CCDC77: variants seen among roughly 807,000 people sequenced by gnomAD.
The protein encoded by CCDC77 is coiled-coil domain-containing protein 77.
In CCDC77, 56 loss-of-function variants were observed where a neutral mutation model predicts 66.8. The ratio of observed to expected loss-of-function variants is 0.84; its 90% CI spans 0.68 to 1.05. The LOEUF (loss-of-function observed/expected upper bound fraction) is 1.05. Among genes scored for constraint, CCDC77 ranks in the 50% least tolerant of loss-of-function variants. CCDC77 has a pLI of 0.00. For missense variants in CCDC77, 570 were observed against 576.8 expected (o/e 0.99, Z 0.12); for synonymous variants, 196 against 195.2 (o/e 1.00, Z -0.03).
At chr12:412,045 G>A in intron 4 of CCDC77, 67 bp downstream of exon 4, 3 of 1,160,886 alleles carry the variant, frequency 2.6e-6, no homozygotes, top group South Asian at 2.8e-5. Flanking sequence ...TGCCCTACAA[G>A]TGCCAGTTTA....
chr12:416,334 GGTGTGTGGGGGTGTGTGTGTGTGTGT>G (rs1211525646), intron 4 of CCDC77, among the ~76,000 whole-genome samples: 2,494 of 50,792 alleles, frequency 0.049, 471 homozygotes, highest in East Asian at 0.44. Flanking sequence ...TGAGTCTGTG[GGTGTGTGGGGGTGTGTGTGTGTGTGT>G]GTGTGTGTGT....
At chr12:414,150 G>A (rs1355168357) in intron 4 of CCDC77, among the ~76,000 whole-genome samples, 3 of 148,866 alleles carry the variant, frequency 2.0e-5, no homozygotes, top group Non-Finnish European at 4.4e-5. Context: ...GGAGTGCAAT[G>A]GCACAATCTC....
chr12:428,793 T>G lies in CCDC77; in HGVS notation c.438T>G (p.Ile146Met). ...GGGAGCTAGAAGACAAGAAAAAGATTCAGAATCTCTTGGCTCTTGTGGGAA... is the reference window on the plus strand; with the variant it reads ...GGGAGCTAGAAGACAAGAAAAAGATGCAGAATCTCTTGGCTCTTGTGGGAA... ...RIRELEDKKKIQNLLALVGTD... is the reference protein window; with the variant it reads ...RIRELEDKKKMQNLLALVGTD... The change falls in exon 6 of 13, where the codon ATT (isoleucine) becomes ATG (methionine). Residue 146 changes from isoleucine (I) to methionine (M), a missense_variant. Ile to Met is a conservative substitution (Grantham distance 10, BLOSUM62 1). Transcript: ENST00000239830. 1 of 1,612,014 alleles carries G rather than the reference T, an allele frequency of 6.2e-7. No homozygotes were observed. The highest frequency in any genetic ancestry group is 8.5e-7 in the Non-Finnish European group (1 of 1,179,112).
Position 441,869 on chromosome 12 carries a change from G to A in CCDC77, c.1416G>A (p.Lys472=). 6.2e-7 allele frequency: 1 copy of A among 1,613,342 alleles called. No individual in the cohort carries two copies. Among genetic ancestry groups the A allele is most frequent in the South Asian group, 1.1e-5 (1 of 91,046 alleles). The change falls in exon 13 of 13, where the codon AAG becomes AAA. Residue 472 remains lysine (K), a synonymous_variant. Transcript: ENST00000239830. ...RRAHKIQGEL[K]NLKSKVFGLE... ...CACATAAGATACAAGGAGAACTGAA[G>A]AATCTTAAGTCGAAAGTGTTTGGTC...
At chr12:422,195 AT>A (rs1247652711) in intron 5 of CCDC77, among the ~76,000 whole-genome samples, 41 of 109,394 alleles carry the variant, frequency 3.7e-4, no homozygotes, top group African/African-American at 6.5e-4. Flanking sequence ...GAGAGGGTAA[AT>A]ACACACATAG....
At chr12:441,347 A>ACAAGT (rs1401980736) in intron 12 of CCDC77, among the ~76,000 whole-genome samples, 3 of 152,242 alleles carry the variant, frequency 2.0e-5, no homozygotes, top group African/African-American at 7.2e-5. Flanking sequence ...TCTTTAGAAT[A>ACAAGT]CAAGTCGCCT....
At chr12:422,684 C>G (rs1381021706) in intron 5 of CCDC77, among the ~76,000 whole-genome samples, 1 of 152,238 alleles carries the variant, frequency 6.6e-6, no homozygotes, top group African/African-American at 2.4e-5. Flanking sequence ...GAGCTCAGCT[C>G]ACTGTAACCT....
chr12:389,534 A>C lies in CCDC77; in HGVS notation c.-113+48A>C, dbSNP rs529765010. The C allele has an allele frequency of 7.1e-4, 47 of 65,926 alleles. 1 individual carries two copies. Among genetic ancestry groups the C allele is most frequent in the South Asian group, 6.3e-3 (47 of 7,424 alleles). The allele number at this position is 65,926 out of a possible 1,614,324, so 4.1% of individuals were successfully genotyped here. On this transcript the variant is annotated intron_variant, in intron 1 of 11. Transcript: ENST00000422000. ...AAGCTCTTCTTTACTAGAGGTACGG[A>C]TTGAGGGAAGCCGACGGGGCGAGGC... is the stretch of plus-strand genomic sequence containing the variant.
intron 9 of CCDC77, among the ~76,000 whole-genome samples, chr12:435,290 A>G (rs1231931811): frequency 7.0e-6 from 1 of 143,500 alleles, no homozygotes; most frequent in African/African-American, 2.6e-5. Flanking sequence ...TCTGTGTTTC[A>G]TCTAGTTTCA....
chr12:438,651 C>T, intron 10 of CCDC77, 97 bp downstream of exon 10: 3 of 886,680 alleles, frequency 3.4e-6, no homozygotes, highest in Non-Finnish European at 5.2e-6. Flanking sequence ...TCCATTCAGT[C>T]CAGGAAGCTC....
At chr12:406,338 G>A (rs1944990284) in intron 2 of CCDC77, among the ~76,000 whole-genome samples, 1 of 152,206 alleles carries the variant, frequency 6.6e-6, no homozygotes, top group South Asian at 2.1e-4. Context: ...AAGCCACATA[G>A]ATAAATGGGG....
Position 431,912 on chromosome 12 carries a change from T to C in CCDC77, c.630T>C (p.Ser210=). 1 of 1,611,470 alleles carries C rather than the reference T, an allele frequency of 6.2e-7. No homozygotes were observed. The change falls in exon 8 of 13, where the codon AGT becomes AGC. Residue 210 remains serine (S), a synonymous_variant. Transcript: ENST00000239830. The part of the protein sequence containing the change: ...KRRPSRERKE[S]SEHYQRDIQT... ...GACCATCGAGAGAGAGAAAAGAAAG[T>C]TCTGAGCATTACCAAAGAGACATAC...
chr12:423,824 G>A (rs144098543), intron 5 of CCDC77, among the ~76,000 whole-genome samples: 3 of 152,124 alleles, frequency 2.0e-5, no homozygotes, highest in Non-Finnish European at 2.9e-5. Context: ...GATAGTAACC[G>A]TCTTAATGGG....
In CCDC77 at chr12:440,947, T is replaced by A; in HGVS notation, c.1271T>A (p.Ile424Asn). The change falls in exon 12 of 13, where the codon ATT (isoleucine) becomes AAT (asparagine). Residue 424 changes from isoleucine to asparagine, a missense_variant. By Grantham distance (149) the Ile-to-Asn change is moderately radical. Transcript: ENST00000239830. ...ILEVEGFKTD[I>N]KVLRQKLKDL... is the part of the protein sequence containing the mutation. ...GAAGTAGAAGGCTTTAAGACAGATA[T>A]TAAAGTTCTCCGACAGAAACTGAAA... The A allele has an allele frequency of 1.9e-6, 3 of 1,613,396 alleles. No homozygotes were observed. The highest frequency in any genetic ancestry group is 2.5e-6 in the Non-Finnish European group (3 of 1,180,028).
At chr12:410,415 G>A (rs528883225) in intron 3 of CCDC77, among the ~76,000 whole-genome samples, 64 of 152,102 alleles carry the variant, frequency 4.2e-4, no homozygotes, top group South Asian at 1.2e-3. Context: ...TTACACACGC[G>A]TGCCACCAGG....
intron 2 of CCDC77, among the ~76,000 whole-genome samples, chr12:406,311 G>GA (rs1373221040): frequency 6.6e-6 from 1 of 152,206 alleles, no homozygotes; most frequent in Non-Finnish European, 1.5e-5. Context: ...TTTTAGCCCT[G>GA]AAGGAGGAGA....
chr12:431,169 A>G (rs1312323412), intron 7 of CCDC77, among the ~76,000 whole-genome samples: 1 of 149,984 alleles, frequency 6.7e-6, no homozygotes, highest in African/African-American at 2.4e-5. Context: ...TAATGTCTTA[A>G]TGAGCTTCTT....
intron 1 of CCDC77, among the ~76,000 whole-genome samples, chr12:392,110 A>G (rs958049864): frequency 7.9e-5 from 12 of 152,258 alleles, no homozygotes; most frequent in Admixed American, 7.2e-4. Flanking sequence ...ACAGTGGAGT[A>G]TAACTGTAGT....
Position 442,164 on chromosome 12 carries a change from G to C in CCDC77, c.*244G>C, listed in dbSNP as rs566411078. ...GTAGGGGCCTGGTCCTGAATGACTT[G>C]GAGGCTTTCATTATTTATCCTGTCT... On this transcript the variant is annotated 3_prime_UTR_variant, in exon 13 of 13. Coordinates refer to ENST00000239830, the MANE Select transcript of CCDC77 (RefSeq NM_032358.4). The C allele has an allele frequency of 1.8e-4, 78 of 436,462 alleles. No individual in the cohort carries two copies. In the Middle Eastern group the frequency reaches 3.8e-3, roughly 21 times the overall value. 27.0% of individuals were successfully genotyped at this position (436,462 alleles called of 1,614,324 possible). A position where few individuals can be genotyped will look rare whatever the true frequency, so the allele number is the denominator to read the frequency against.
Sources: gnomAD v4.1 joint callset for allele counts (sites outside exome capture counted in the v4.1 genomes callset) on GRCh38, gnomAD v4.1.1 for gene constraint, MANE v1.5 for transcripts, NCBI Gene and HGNC (gene_info 2026-07-23, HGNC 2026-07-21) for gene names.